SACS: variants seen among roughly 807,000 people sequenced by gnomAD.
SACS encodes sacsin.
A neutral mutation model predicts 348.0 loss-of-function variants in SACS; 197 were observed. That is an observed-to-expected ratio of 0.57 (90% CI 0.50 to 0.64). The LOEUF (loss-of-function observed/expected upper bound fraction) is 0.64, where lower values mean the gene tolerates loss of function less well. SACS is among the 30% of genes least tolerant of loss of function. The pLI is 0.00. For missense variants in SACS, 4,999 were observed against 5,360.8 expected (o/e 0.93, Z 2.11); for synonymous variants, 1,985 against 1,910.6 (o/e 1.04, Z -1.02).
In SACS at chr13:23,334,240, G is replaced by A. The variant is rs746474360; in HGVS notation, c.9636C>T (p.Ser3212=). 1.6e-5 allele frequency: 26 copies of A among 1,613,220 alleles called. No homozygotes were observed. The East Asian group carries it at 4.9e-4, about 30-fold the overall frequency. ...CAGAGGATAACAAATCAGCAAAGCT[G>A]GAAATGTCAAACACTTTTGCAACTT... ...NCKVAKVFDI[S]SFADLLSSVL... The change falls in exon 10 of 10, where the codon TCC becomes TCT. Residue 3212 remains serine (S), a synonymous_variant. Coordinates refer to ENST00000382292, the MANE Select transcript of SACS (RefSeq NM_014363.6).
chr13:23,332,033 T>C lies in SACS; in HGVS notation c.11843A>G (p.Gln3948Arg). ...IGVQMLVDLS[Q>R]CYLGKDHGFH... ...TCCATGGTCTTTCCCTAAGTAGCAC[T>C]GGCTGAGATCAACTAACATTTGCAC... is the stretch of plus-strand genomic sequence containing the variant. Residue 3948 changes from glutamine to arginine, a missense_variant, in exon 10 of 10, where the codon CAG becomes CGG. Physicochemically the swap from Gln to Arg is conservative, Grantham distance 43. Transcript: ENST00000382292. The C allele has an allele frequency of 1.2e-6, 2 of 1,614,148 alleles. No homozygotes were observed. The highest frequency in any genetic ancestry group is 1.7e-6 in the Non-Finnish European group (2 of 1,179,982).
chr13:23,329,634 TACA>T lies in SACS; in HGVS notation c.*499_*501del, dbSNP rs1221366442. On this transcript the variant is annotated 3_prime_UTR_variant, in exon 10 of 10. Transcript: ENST00000382292. ...AAATGCACTGAGTACAACATAAAAT[TACA>T]ACAAATTCATGATCAGAGCCAGCTG... The T allele has an allele frequency of 1.3e-5, 7 of 536,198 alleles. No individual in the cohort carries two copies. Among genetic ancestry groups the T allele is most frequent in the African/African-American group, 7.9e-5 (4 of 50,950 alleles). 33.2% of individuals were successfully genotyped at this position (536,198 alleles called of 1,614,324 possible). A position where few individuals can be genotyped will look rare whatever the true frequency, so the allele number is the denominator to read the frequency against.
rs1868928685 is a variant in SACS, at chr13:23,338,956, A to T, written c.4920T>A (p.Asn1640Lys). The T allele has an allele frequency of 6.2e-7, 1 of 1,613,838 alleles. No homozygotes were observed. Among genetic ancestry groups the T allele is most frequent in the African/African-American group, 1.3e-5 (1 of 74,934 alleles). The change falls in exon 10 of 10, where the codon AAT (asparagine) becomes AAA (lysine). Residue 1640 changes from asparagine (N) to lysine (K), a missense_variant. Physicochemically the swap from Asn to Lys is moderately conservative, Grantham distance 94 (BLOSUM62 0). Transcript: ENST00000382292. Reference protein sequence around the residue: ...PLTVEAPYSYNGTLFRLSFRT... With the variant: ...PLTVEAPYSYKGTLFRLSFRT... ...TAAAGGACAGTCGGAAAAGGGTTCC[A>T]TTATAGCTGTAAGGTGCTTCTACAG...
Position 23,336,482 on chromosome 13 carries a change from G to A in SACS, c.7394C>T (p.Ser2465Leu), listed in dbSNP as rs747676277. The change falls in exon 10 of 10, where the codon TCG becomes TTG. Residue 2465 changes from serine to leucine, a missense_variant. Transcript: ENST00000382292. ...DTNLMLLPAK[S>L]LCYNDCPWIK... is the part of the protein sequence containing the mutation. ...CCAAGGGCAATCATTGTAGCATAAC[G>A]ATTTAGCAGGGAGAAGCATAAGATT... is the stretch of plus-strand genomic sequence containing the variant. 95 of 1,613,900 alleles carry A rather than the reference G, an allele frequency of 5.9e-5. No homozygotes were observed. Among genetic ancestry groups the A allele is most frequent in the Middle Eastern group, 3.3e-4 (2 of 6,084 alleles).
intron 1 of SACS, among the ~76,000 whole-genome samples, chr13:23,416,138 C>T (rs746877850): frequency 5.3e-5 from 8 of 151,854 alleles, no homozygotes; most frequent in African/African-American, 1.5e-4. Context: ...AAAAATTAGC[C>T]GGGCATGGTG....
rs536939164 is a variant in SACS, at chr13:23,429,345, ATTTTTTTTTTTTTTTT to A, written c.-502+4254_-502+4269del. On this transcript the variant is annotated intron_variant, in intron 1 of 9. Transcript: ENST00000382292. ...CTGTGATTCAGTCGTTGAGGTAGGG[ATTTTTTTTTTTTTTTT>A]TTTTTTTTTTTTTTTTTTTGAGACG... 2.1e-4 allele frequency among the ~76,000 whole-genome samples: 11 copies of A among 51,474 alleles called. 1 individual carries two copies. Among genetic ancestry groups the A allele is most frequent in the South Asian group, 2.2e-3 (2 of 922 alleles). 33.8% of individuals were successfully genotyped at this position (51,474 alleles called of 152,430 possible).
intron 2 of SACS, among the ~76,000 whole-genome samples, chr13:23,383,516 C>T (rs1321541053): frequency 2.0e-5 from 3 of 152,180 alleles, no homozygotes; most frequent in Non-Finnish European, 4.4e-5. Flanking sequence ...CCTTCCTGAA[C>T]AGCCCCAGAG....
chr13:23,414,100 C>A (rs1321197504), intron 1 of SACS, among the ~76,000 whole-genome samples: 1 of 152,084 alleles, frequency 6.6e-6, no homozygotes, highest in East Asian at 1.9e-4. Context: ...GTCAGGAGAT[C>A]CAGACCATCC....
At chr13:23,362,036 A>G (rs922559489) in intron 6 of SACS, among the ~76,000 whole-genome samples, 1 of 152,244 alleles carries the variant, frequency 6.6e-6, no homozygotes, top group Non-Finnish European at 1.5e-5. Flanking sequence ...TATTGGAAAT[A>G]AGCTTGGAAT....
rs758466161 is a variant in SACS, at chr13:23,331,351, A to C, written c.12525T>G (p.Val4175=). Reference sequence around the variant, plus strand: ...ACCCAACATATTCTCCCGGGTAAAAAACATTCATTGGGTCCATAAGCAGAG... The same window carrying C: ...ACCCAACATATTCTCCCGGGTAAAACACATTCATTGGGTCCATAAGCAGAG... ...HYTLLMDPMN[V]FYPGEYVGYL... is the part of the protein sequence containing the mutation. Residue 4175 remains valine (V), a synonymous_variant, in exon 10 of 10, where the codon GTT becomes GTG. Transcript: ENST00000382292. The C allele has an allele frequency of 1.9e-5, 31 of 1,613,862 alleles. 1 individual carries two copies. The highest frequency in any genetic ancestry group is 2.5e-5 in the Non-Finnish European group (29 of 1,179,952).
Position 23,334,865 on chromosome 13 carries a change from G to A in SACS, c.9011C>T (p.Ser3004Phe), listed in dbSNP as rs1868429292. ...PVVRAPNIDG[S>F]DLHSAVIITW... Reference sequence around the variant, plus strand: ...AATTATAACTGCAGAGTGCAAGTCAGAGCCATCAATATTTGGAGCCCGCAC... The same window carrying A: ...AATTATAACTGCAGAGTGCAAGTCAAAGCCATCAATATTTGGAGCCCGCAC... The change falls in exon 10 of 10, where the codon TCT (serine) becomes TTT (phenylalanine). Residue 3004 changes from serine to phenylalanine, a missense_variant. Physicochemically the swap from Ser to Phe is radical, Grantham distance 155. Around this residue, in one of 6 missense-constraint regions of SACS, gnomAD observed 734 missense variants for 694.0 expected, o/e 1.06. Transcript: ENST00000382292. The A allele has an allele frequency of 6.2e-7, 1 of 1,613,850 alleles. No individual in the cohort carries two copies. The highest frequency in any genetic ancestry group is 1.1e-5 in the South Asian group (1 of 91,080).
At chr13:23,420,029 T>A (rs988290369) in intron 1 of SACS, among the ~76,000 whole-genome samples, 1 of 135,568 alleles carries the variant, frequency 7.4e-6, no homozygotes, top group Non-Finnish European at 1.7e-5. Context: ...TCCATTTGGG[T>A]CCTGATGTTC....
intron 2 of SACS, among the ~76,000 whole-genome samples, chr13:23,381,436 GCA>G (rs374317173): frequency 6.7e-6 from 1 of 149,052 alleles, no homozygotes; most frequent in Non-Finnish European, 1.5e-5. Context: ...TGAAGCGCGC[GCA>G]CACACACACA....
Position 23,329,875 on chromosome 13 carries a change from A to C in SACS, c.*261T>G, listed in dbSNP as rs977476240. 1.3e-5 allele frequency: 7 copies of C among 532,456 alleles called. No individual in the cohort carries two copies. The highest frequency in any genetic ancestry group is 2.4e-5 in the Non-Finnish European group (7 of 297,804). 33.0% of individuals were successfully genotyped at this position (532,456 alleles called of 1,614,324 possible). On this transcript the variant is annotated 3_prime_UTR_variant, in exon 10 of 10. Transcript: ENST00000382292. ...GCTAAGCTTTGGTTATATAAAGTGCAGTTCAATGATGTATCATCCCAATCA... is the reference window on the plus strand; with the variant it reads ...GCTAAGCTTTGGTTATATAAAGTGCCGTTCAATGATGTATCATCCCAATCA...
chr13:23,375,516 A>G (rs1000939166), intron 2 of SACS: 4 of 1,110,262 alleles, frequency 3.6e-6, no homozygotes, highest in Non-Finnish European at 2.2e-6. Context: ...AGGAAACGCT[A>G]GAGGAAGCCG....
chr13:23,376,532 TCTCCCTTCCCCCCAAAAAAA>T (rs1566092831), intron 2 of SACS, among the ~76,000 whole-genome samples: 1 of 152,052 alleles, frequency 6.6e-6, no homozygotes, highest in Admixed American at 6.6e-5. Context: ...AATTGCCATT[TCTCCCTTCCCCCCAAAAAAA>T]ATTATTACTC....
In SACS at chr13:23,339,217, A is replaced by G. The variant is rs1468325817; in HGVS notation, c.4659T>C (p.Val1553=). ...ESLKRGEVDK[V]GKFGLGFNSV... ...AATTAAATCCAAGACCAAATTTTCC[A>G]ACTTTGTCAACTTCTCCCCTTTTTA... Residue 1553 remains valine (V), a synonymous_variant, in exon 10 of 10, where the codon GTT becomes GTC. Transcript: ENST00000382292. 1 of 1,610,914 alleles carries G rather than the reference A, an allele frequency of 6.2e-7. No individual in the cohort carries two copies. The highest frequency in any genetic ancestry group is 2.2e-5 in the East Asian group (1 of 44,848).
chr13:23,346,317 TGTATTTTTA>T (rs1869603199), intron 9 of SACS, among the ~76,000 whole-genome samples: 1 of 152,190 alleles, frequency 6.6e-6, no homozygotes, highest in African/African-American at 2.4e-5. Flanking sequence ...GCTAATTTTT[TGTATTTTTA>T]GTAGAGACGA....
intron 1 of SACS, among the ~76,000 whole-genome samples, chr13:23,420,752 T>C (rs1281482961): frequency 6.6e-6 from 1 of 152,046 alleles, no homozygotes; most frequent in Non-Finnish European, 1.5e-5. Context: ...GGACCTAGAT[T>C]GAACCTGAGG....
Sources: allele counts gnomAD v4.1 joint callset (sites outside exome capture counted in the v4.1 genomes callset), GRCh38; gene constraint gnomAD v4.1.1; regional missense constraint gnomAD v4.1.1; transcripts MANE v1.5; gene names NCBI Gene and HGNC (gene_info 2026-07-23, HGNC 2026-07-21).